Variants in XKR4 observed in about 807,000 individuals in gnomAD.
The protein encoded by XKR4 is XK-related protein 4.
Under a neutral mutation model 53.9 loss-of-function variants are expected in XKR4, and 12 were observed. That is an observed-to-expected ratio of 0.22 (90% CI 0.14 to 0.36). The LOEUF (loss-of-function observed/expected upper bound fraction) is 0.36, where lower values mean the gene tolerates loss of function less well. Among genes scored for constraint, XKR4 ranks in the 10% least tolerant of loss-of-function variants. XKR4 has a pLI of 1.00. For missense variants in XKR4, 799 were observed against 859.5 expected, an observed-to-expected ratio of 0.93 and a Z score of 0.88; for synonymous variants, 354 against 362.4, an observed-to-expected ratio of 0.98 and a Z score of 0.26.
intron 2 of XKR4, among the ~76,000 whole-genome samples, chr8:55,375,676 A>G (rs763407071): frequency 6.6e-6 from 1 of 151,994 alleles, no homozygotes; most frequent in South Asian, 2.1e-4. Context: ...ATTTTTGAAA[A>G]TAATATTTAT....
intron 1 of XKR4, among the ~76,000 whole-genome samples, chr8:55,272,393 T>C (rs1026897903): frequency 6.6e-6 from 1 of 152,230 alleles, no homozygotes; most frequent in African/African-American, 2.4e-5. Flanking sequence ...TGTCATGAGA[T>C]AGCCCCATAA....
At chr8:55,411,987 C>A (rs1202654528) in intron 2 of XKR4, among the ~76,000 whole-genome samples, 2 of 152,226 alleles carry the variant, frequency 1.3e-5, no homozygotes, top group East Asian at 3.8e-4. Context: ...TGTATGGAAA[C>A]TATTCAAGGA....
intron 1 of XKR4, among the ~76,000 whole-genome samples, chr8:55,245,921 C>T (rs1410465895): frequency 1.3e-5 from 2 of 152,062 alleles, no homozygotes; most frequent in Admixed American, 6.6e-5. Flanking sequence ...ATGGCAAAAC[C>T]CTGTCTCTAC....
In XKR4 at chr8:55,450,487, C is replaced by T. The variant is rs569538654; in HGVS notation, c.1007-72794C>T. 1.3e-4 allele frequency: 81 copies of T among 620,920 alleles called. 1 individual carries two copies. In the East Asian group the frequency reaches 2.7e-3, roughly 21 times the overall value. 38.5% of individuals were successfully genotyped at this position (620,920 alleles called of 1,614,324 possible). ...TCCTGCGCTGCCCCTTCTCCTCGTA[C>T]AGCAGCCCCAGCTCAATGTGCTCAT... On this transcript the variant is annotated intron_variant, in intron 2 of 2. Transcript: ENST00000327381.
At chr8:55,266,315 C>T (rs939159326) in intron 1 of XKR4, among the ~76,000 whole-genome samples, 8 of 151,888 alleles carry the variant, frequency 5.3e-5, no homozygotes, top group African/African-American at 1.7e-4. Flanking sequence ...GCTGCGTCCT[C>T]CAGTTGCCTC....
Position 55,539,213 on chromosome 8 carries a change from C to T in XKR4, c.*14986C>T, listed in dbSNP as rs1249953756. 1 of 152,174 alleles carries T rather than the reference C, an allele frequency of 6.6e-6. No homozygotes were observed. Among genetic ancestry groups the T allele is most frequent in the African/African-American group, 2.4e-5 (1 of 41,438 alleles). 9.4% of individuals were successfully genotyped at this position (152,174 alleles called of 1,614,324 possible). A position where few individuals can be genotyped will look rare whatever the true frequency, so the allele number is the denominator to read the frequency against. On this transcript the variant is annotated 3_prime_UTR_variant, in exon 3 of 3. Coordinates refer to ENST00000327381, the MANE Select transcript of XKR4 (RefSeq NM_052898.2). ...GAGGCAATATCATGATATAGGAATA[C>T]ATTCATAAAACTAGACTAGCAAAGC...
chr8:55,171,876 G>T (rs1195498633), intron 1 of XKR4, among the ~76,000 whole-genome samples: 4 of 152,096 alleles, frequency 2.6e-5, no homozygotes, highest in Non-Finnish European at 5.9e-5. Flanking sequence ...TATGGCCACT[G>T]CTTCCCGGCT....
intron 1 of XKR4, among the ~76,000 whole-genome samples, chr8:55,268,390 T>C (rs1158015652): frequency 6.6e-6 from 1 of 152,186 alleles, no homozygotes; most frequent in East Asian, 1.9e-4. Context: ...AGTCTCAAGG[T>C]AAAATGTTGA....
At chr8:55,497,203 G>T (rs1009716855) in intron 2 of XKR4, among the ~76,000 whole-genome samples, 1 of 152,098 alleles carries the variant, frequency 6.6e-6, no homozygotes, top group African/African-American at 2.4e-5. Context: ...TCCCTATTAC[G>T]CTAAGCACTT....
intron 1 of XKR4, among the ~76,000 whole-genome samples, chr8:55,322,962 G>A (rs1176448805): frequency 1.3e-5 from 2 of 152,036 alleles, no homozygotes; most frequent in African/African-American, 2.4e-5. Flanking sequence ...TAGTCATCTT[G>A]TATTTTTTTC....
chr8:55,289,826 G>A (rs1456406780), intron 1 of XKR4, among the ~76,000 whole-genome samples: 5 of 131,456 alleles, frequency 3.8e-5, no homozygotes, highest in Non-Finnish European at 7.9e-5. Context: ...AAGAAAGGAA[G>A]GAAGGAAGGA....
chr8:55,533,232 C>T lies in XKR4; in HGVS notation c.*9005C>T, dbSNP rs1042823512. On this transcript the variant is annotated 3_prime_UTR_variant, in exon 3 of 3. Transcript: ENST00000327381. ...TGTGTGTTGAGCGCTGTTGCATTCA[C>T]TTAGCAATTAACCTTTGACCTGTGG... The T allele has an allele frequency of 2.0e-5, 3 of 152,172 alleles. No individual in the cohort carries two copies. The highest frequency in any genetic ancestry group is 7.2e-5 in the African/African-American group (3 of 41,450). 9.4% of individuals were successfully genotyped at this position (152,172 alleles called of 1,614,324 possible).
chr8:55,312,975 G>GT (rs1819408866), intron 1 of XKR4, among the ~76,000 whole-genome samples: 1 of 152,204 alleles, frequency 6.6e-6, no homozygotes, highest in South Asian at 2.1e-4. Flanking sequence ...CATTTGATTA[G>GT]TTTTTTCTTA....
intron 1 of XKR4, among the ~76,000 whole-genome samples, chr8:55,243,421 C>T (rs1190309609): frequency 6.6e-6 from 1 of 152,172 alleles, no homozygotes; most frequent in Non-Finnish European, 1.5e-5. Flanking sequence ...AGGATGTAAC[C>T]TTTTCAGATT....
At chr8:55,199,064 T>TA (rs917803034) in intron 1 of XKR4, among the ~76,000 whole-genome samples, 1 of 152,206 alleles carries the variant, frequency 6.6e-6, no homozygotes, top group Non-Finnish European at 1.5e-5. Flanking sequence ...GTTAAGGCAA[T>TA]AAATGCACTT....
intron 2 of XKR4, among the ~76,000 whole-genome samples, chr8:55,426,045 C>T (rs1484932731): frequency 6.6e-6 from 1 of 152,184 alleles, no homozygotes; most frequent in African/African-American, 2.4e-5. Flanking sequence ...CACCATACTG[C>T]TTTCAGTTCC....
chr8:55,304,428 A>C (rs979696251), intron 1 of XKR4, among the ~76,000 whole-genome samples: 1 of 152,132 alleles, frequency 6.6e-6, no homozygotes, highest in Non-Finnish European at 1.5e-5. Flanking sequence ...TATGTGGTCA[A>C]TTTTGGAATA....
chr8:55,418,213 A>G (rs1804877311), intron 2 of XKR4, among the ~76,000 whole-genome samples: 1 of 152,148 alleles, frequency 6.6e-6, no homozygotes, highest in Non-Finnish European at 1.5e-5. Flanking sequence ...GGCTGTACTC[A>G]TGGAGGGGGT....
intron 1 of XKR4, among the ~76,000 whole-genome samples, chr8:55,226,397 A>G (rs181312164): frequency 7.0e-4 from 106 of 152,328 alleles, no homozygotes; most frequent in Admixed American, 2.1e-3. Flanking sequence ...CGTGAAGTTA[A>G]AGGCATGGTA....
Sources: gnomAD v4.1 joint callset for allele counts (sites outside exome capture counted in the v4.1 genomes callset) on GRCh38, gnomAD v4.1.1 for gene constraint, MANE v1.5 for transcripts, NCBI Gene and HGNC (gene_info 2026-07-23, HGNC 2026-07-21) for gene names.